The following PADI2 variants were observed in gnomAD, a reference collection of about 807,000 sequenced individuals.
PADI2 encodes protein-arginine deiminase type-2.
In PADI2, 70 loss-of-function variants were observed where a neutral mutation model predicts 81.1. The observed-to-expected ratio is 0.86, with a 90% confidence interval of 0.71 to 1.05. The LOEUF (loss-of-function observed/expected upper bound fraction) is 1.05. PADI2 is among the 50% of genes least tolerant of loss of function. PADI2 has a pLI of 0.00. For missense variants in PADI2, 853 were observed against 889.9 expected (o/e 0.96, Z 0.53); for synonymous variants, 338 against 358.0 (o/e 0.94, Z 0.63).
At chr1:17,097,191 G>A (rs573079223) in intron 3 of PADI2, among the ~76,000 whole-genome samples, 4 of 152,260 alleles carry the variant, frequency 2.6e-5, no homozygotes, top group Middle Eastern at 3.4e-3. Flanking sequence ...GGCGCTGGGT[G>A]GTAATGAATG....
intron 7 of PADI2, among the ~76,000 whole-genome samples, chr1:17,085,573 G>A (rs2078378752): frequency 6.6e-6 from 1 of 152,220 alleles, no homozygotes; most frequent in African/African-American, 2.4e-5. Flanking sequence ...ACCACCCCCG[G>A]CAGCAGAAAC....
In PADI2 at chr1:17,119,390, C is replaced by A; in HGVS notation, c.-19G>T. On this transcript the variant is annotated 5_prime_UTR_variant, in exon 1 of 16. Transcript: ENST00000375486. The surrounding 1 kb of genome is among the most constrained non-coding windows in gnomAD (Gnocchi z 4.8). ...GCAGCATCCTCCCCGCCGCAGTGCCCGCGCTCGCTGGTCCGGGGCGGCCGG... is the reference window on the plus strand; with the variant it reads ...GCAGCATCCTCCCCGCCGCAGTGCCAGCGCTCGCTGGTCCGGGGCGGCCGG... 2.0e-6 allele frequency: 3 copies of A among 1,519,296 alleles called. No homozygotes were observed. The highest frequency in any genetic ancestry group is 2.6e-6 in the Non-Finnish European group (3 of 1,132,828). 94.1% of individuals were successfully genotyped at this position (1,519,296 alleles called of 1,614,324 possible).
rs1245621880 is a variant in PADI2, at chr1:17,093,647, A to G, written c.449T>C (p.Ile150Thr). The G allele has an allele frequency of 6.2e-7, 1 of 1,613,878 alleles. No homozygotes were observed. The highest frequency in any genetic ancestry group is 1.3e-5 in the African/African-American group (1 of 74,924). Reference protein sequence around the residue: ...WTWGPEGQGAILLVNCDRETP... With the variant: ...WTWGPEGQGATLLVNCDRETP... The stretch of plus-strand genomic sequence containing the variant: ...CTCTCGGTCACAGTTCACCAGCAGG[A>G]TGGCCCCCTGGCCCTCGGGGCCCCA... The change falls in exon 5 of 16, where the codon ATC becomes ACC. Residue 150 changes from isoleucine to threonine, a missense_variant. Ile to Thr is a moderately conservative substitution (Grantham distance 89). Transcript: ENST00000375486.
intron 12 of PADI2, chr1:17,075,441 G>T (rs530272967): frequency 1.3e-5 from 6 of 462,748 alleles, no homozygotes; most frequent in South Asian, 3.3e-5. Flanking sequence ...TATGAGAAAA[G>T]AATTTAAATC....
chr1:17,096,935 A>C (rs1485886532), intron 3 of PADI2, among the ~76,000 whole-genome samples: 2 of 152,188 alleles, frequency 1.3e-5, no homozygotes, highest in East Asian at 1.9e-4. Context: ...GTTTAACAGC[A>C]CTCCTGGCTT....
chr1:17,096,607 G>C (rs111554146), intron 3 of PADI2, among the ~76,000 whole-genome samples: 12 of 152,304 alleles, frequency 7.9e-5, no homozygotes, highest in Non-Finnish European at 1.6e-4. Flanking sequence ...AGGATCCAGG[G>C]CCAGGCCCCC....
At position 17,119,448 on chromosome 1, in the gene PADI2, G is replaced by T; in HGVS notation, c.-77C>A. On this transcript the variant is annotated 5_prime_UTR_variant, in exon 1 of 16. It adds an upstream start codon to the 5' untranslated region. Coordinates refer to ENST00000375486, the MANE Select transcript of PADI2 (RefSeq NM_007365.3). This position sits in a 1 kb window ranked among gnomAD's most constrained non-coding sequence, Gnocchi z 4.8. Reference sequence around the variant, plus strand: ...TGCAGCAGGTGCGCCTTCTCCAGCAGCCTGCGCCCCACGGCCCCGCGCGCA... The same window carrying T: ...TGCAGCAGGTGCGCCTTCTCCAGCATCCTGCGCCCCACGGCCCCGCGCGCA... 1 of 1,118,286 alleles carries T rather than the reference G, an allele frequency of 8.9e-7. No individual in the cohort carries two copies. Among genetic ancestry groups the T allele is most frequent in the African/African-American group, 1.7e-5 (1 of 60,344 alleles). The allele number at this position is 1,118,286 out of a possible 1,614,324, so 69.3% of individuals were successfully genotyped here. A position where few individuals can be genotyped will look rare whatever the true frequency, so the allele number is the denominator to read the frequency against.
intron 13 of PADI2, among the ~76,000 whole-genome samples, chr1:17,074,592 C>T (rs182261831): frequency 6.6e-5 from 10 of 152,222 alleles, no homozygotes; most frequent in Admixed American, 4.6e-4. Context: ...TTAAAGTATA[C>T]GCTAGGGCTT....
At chr1:17,073,996 C>T (rs1158216756) in intron 13 of PADI2, among the ~76,000 whole-genome samples, 1 of 152,246 alleles carries the variant, frequency 6.6e-6, no homozygotes, top group African/African-American at 2.4e-5. Flanking sequence ...ACTTTTCTTC[C>T]TGTCCCTAAA....
At chr1:17,080,707 T>A (rs1175834014) in intron 10 of PADI2, among the ~76,000 whole-genome samples, 1 of 152,124 alleles carries the variant, frequency 6.6e-6, no homozygotes, top group Non-Finnish European at 1.5e-5. Context: ...AAAATTGGAG[T>A]TAGCCCGCAA....
chr1:17,070,352 C>T, intron 14 of PADI2, 136 bp from the exon 15 acceptor site: 1 of 1,000,810 alleles, frequency 1.0e-6, no homozygotes, highest in Non-Finnish European at 1.5e-6. Context: ...CAGCGGGCGC[C>T]TCTGCAGCCT....
rs936457557 is a variant in PADI2 at position 17,068,016 on chromosome 1, T to A, written c.*1028A>T. The A allele has an allele frequency of 1.3e-5, 2 of 152,684 alleles. No homozygotes were observed. Among genetic ancestry groups the A allele is most frequent in the Non-Finnish European group, 2.9e-5 (2 of 68,082 alleles). The allele number at this position is 152,684 out of a possible 1,614,324, so 9.5% of individuals were successfully genotyped here. A position where few individuals can be genotyped will look rare whatever the true frequency, so the allele number is the denominator to read the frequency against. ...CCTAAGTTGGCAGCTGACCCAGAAC[T>A]GGCTGTTGGGCTGGAGGGTAGGCCA... On this transcript the variant is annotated 3_prime_UTR_variant, in exon 16 of 16. Coordinates refer to ENST00000375486, the MANE Select transcript of PADI2 (RefSeq NM_007365.3).
intron 6 of PADI2, among the ~76,000 whole-genome samples, chr1:17,090,224 A>C (rs1930635320): frequency 6.6e-6 from 1 of 152,252 alleles, no homozygotes; most frequent in African/African-American, 2.4e-5. Flanking sequence ...AAGGCCAGCT[A>C]CTGCACTCAG....
At chr1:17,092,164 T>C (rs1357186365) in intron 6 of PADI2, among the ~76,000 whole-genome samples, 1 of 151,938 alleles carries the variant, frequency 6.6e-6, no homozygotes, top group Non-Finnish European at 1.5e-5. Flanking sequence ...CCCTGATTCG[T>C]AGGGAGGAAG....
At chr1:17,100,588 A>G (rs1403039354) in intron 3 of PADI2, among the ~76,000 whole-genome samples, 1 of 151,508 alleles carries the variant, frequency 6.6e-6, no homozygotes, top group Non-Finnish European at 1.5e-5. Context: ...CCCGGCCATG[A>G]CTGTCTTTTA....
intron 1 of PADI2, among the ~76,000 whole-genome samples, chr1:17,107,430 C>T (rs1931422308): frequency 6.6e-6 from 1 of 152,190 alleles, no homozygotes; most frequent in Non-Finnish European, 1.5e-5. Flanking sequence ...CAGCGGCTGT[C>T]AAAGTGCAGC....
chr1:17,104,774 G>A, intron 2 of PADI2, 104 bp downstream of exon 2: 1 of 1,017,104 alleles, frequency 9.8e-7, no homozygotes, highest in Non-Finnish European at 1.4e-6. Context: ...AACTGAAAAT[G>A]ACACATGGCC....
rs1931308529 is a variant in PADI2 at position 17,104,948 on chromosome 1, C to T, written c.206G>A (p.Trp69Ter). ...EEVATNGKQR[W>*]LLSPSTTLRV... ...CAGGGTGGTGCTGGGCGAGAGAAGC[C>T]AGCGCTGCTTGCCATTGGTGGCCAC... The change falls in exon 2 of 16, where the codon TGG (tryptophan) becomes TAG (stop). Residue 69 changes from tryptophan (W) to a stop codon, truncating the protein, a stop_gained. Transcript: ENST00000375486. LOFTEE classifies it high-confidence loss of function. 6.2e-7 allele frequency: 1 copy of T among 1,608,698 alleles called. No individual in the cohort carries two copies. Among genetic ancestry groups the T allele is most frequent in the Non-Finnish European group, 8.5e-7 (1 of 1,179,186 alleles).
chr1:17,080,713 C>T lies in PADI2; in HGVS notation c.1159-1298G>A, dbSNP rs188472040. Among the ~76,000 whole-genome samples, 19 of 152,322 alleles carry T rather than the reference C, an allele frequency of 1.2e-4. 1 individual carries two copies. Among genetic ancestry groups the T allele is most frequent in the Admixed American group, 5.2e-4 (8 of 15,298 alleles). ...GAGCTCCAAAAAATTGGAGTTAGCC[C>T]GCAAGTCATAACCCCATTGGCCCCT... On this transcript the variant is annotated intron_variant, in intron 10 of 15. Transcript: ENST00000375486.
Sources: gnomAD v4.1 joint callset for allele counts (sites outside exome capture counted in the v4.1 genomes callset) on GRCh38, gnomAD v4.1.1 for gene constraint, Gnocchi (gnomAD v3.1) non-coding constraint, MANE v1.5 for transcripts, NCBI Gene and HGNC (gene_info 2026-07-23, HGNC 2026-07-21) for gene names.